DNAAF6: variants seen among roughly 807,000 people sequenced by gnomAD.
DNAAF6 encodes dynein axonemal assembly factor 6, also known as PIH1 domain containing 3.
In DNAAF6, 3 loss-of-function variants were observed where a neutral mutation model predicts 13.7. The ratio of observed to expected loss-of-function variants is 0.22; its 90% CI spans 0.10 to 0.56. The LOEUF (loss-of-function observed/expected upper bound fraction) is 0.56, where lower values mean the gene tolerates loss of function less well. Ranked by LOEUF, DNAAF6 falls within the 20% of genes least tolerant of loss-of-function variation. The pLI is 0.92. For synonymous variants in DNAAF6, 54 were observed against 49.2 expected (o/e 1.10, Z -0.41); for missense variants, 130 against 151.0 (o/e 0.86, Z 0.73).
chrX:107,211,395 G>C (rs950130227), intron 1 of DNAAF6, among the ~76,000 whole-genome samples: 3 of 111,375 alleles, frequency 2.7e-5, no homozygotes, highest in Non-Finnish European at 3.8e-5. Flanking sequence ...ATTTGATATG[G>C]CAAAAATATT....
In DNAAF6 at chrX:107,222,733, AT is replaced by A. The variant is rs762286393; in HGVS notation, c.333-4del. 5.8e-5 allele frequency: 69 copies of A among 1,187,702 alleles called. No individual in the cohort carries two copies. The highest frequency in any genetic ancestry group is 7.1e-5 in the Non-Finnish European group (63 of 886,652). Reference sequence around the variant, plus strand: ...TTCATCTGAGTCCCTATAATCATTGATTTTTTTTCAGGTATGAGATTATATT... The same window carrying A: ...TTCATCTGAGTCCCTATAATCATTGATTTTTTTCAGGTATGAGATTATATT... On this transcript the variant is annotated splice_polypyrimidine_tract_variant and intron_variant, in intron 4 of 6. Transcript: ENST00000372453.
intron 5 of DNAAF6, among the ~76,000 whole-genome samples, chrX:107,231,082 T>C (rs1443607641): frequency 3.6e-5 from 4 of 111,922 alleles, no homozygotes; most frequent in Non-Finnish European, 1.9e-5. Context: ...TATTTCTCAC[T>C]TTAAATTTTT....
intron 5 of DNAAF6, among the ~76,000 whole-genome samples, chrX:107,229,057 T>G (rs747895998): frequency 2.4e-4 from 26 of 107,073 alleles, no homozygotes; most frequent in Admixed American, 1.6e-3. Context: ...TTAAAAACAC[T>G]GATTAGATAA....
intron 4 of DNAAF6, 140 bp from the exon 5 acceptor site, chrX:107,222,605 C>A: frequency 1.5e-6 from 1 of 676,459 alleles, no homozygotes; most frequent in Non-Finnish European, 2.0e-6. Context: ...CTATTATATG[C>A]CTGAAGACCT....
intron 5 of DNAAF6, among the ~76,000 whole-genome samples, chrX:107,228,989 T>TTATA (rs1246210115): frequency 9.2e-6 from 1 of 109,161 alleles, no homozygotes; most frequent in African/African-American, 3.3e-5. Context: ...ATAAGAGGTA[T>TTATA]AGTCCTCAAG....
intron 2 of DNAAF6, among the ~76,000 whole-genome samples, chrX:107,215,605 AT>A (rs1927959906): frequency 8.9e-6 from 1 of 111,936 alleles, no homozygotes; most frequent in African/African-American, 3.2e-5. Context: ...TTAATTTCTG[AT>A]TTATAACTCT....
In DNAAF6 at chrX:107,243,405, T is replaced by C; in HGVS notation, c.*107T>C. 1 of 999,303 alleles carries C rather than the reference T, an allele frequency of 1.0e-6. No individual in the cohort carries two copies. Among genetic ancestry groups the C allele is most frequent in the African/African-American group, 1.9e-5 (1 of 51,770 alleles). The allele number at this position is 999,303 out of a possible 1,213,427, so 82.4% of individuals were successfully genotyped here. Reference sequence around the variant, plus strand: ...TTCTCTTTATTATTCTGACATATTTTTGAAAGGGACAAAATTCAGTTCTAG... The same window carrying C: ...TTCTCTTTATTATTCTGACATATTTCTGAAAGGGACAAAATTCAGTTCTAG... On this transcript the variant is annotated 3_prime_UTR_variant, in exon 7 of 7. Coordinates refer to ENST00000372453, the MANE Select transcript of DNAAF6 (RefSeq NM_173494.2).
intron 5 of DNAAF6, among the ~76,000 whole-genome samples, chrX:107,236,039 C>T (rs745501436): frequency 2.7e-5 from 3 of 111,061 alleles, no homozygotes; most frequent in Admixed American, 9.6e-5. Context: ...GACACTGAGT[C>T]GGGAGAATTG....
At chrX:107,221,932 A>C (rs1431709190) in intron 4 of DNAAF6, among the ~76,000 whole-genome samples, 1 of 108,163 alleles carries the variant, frequency 9.2e-6, no homozygotes, top group Non-Finnish European at 1.9e-5. Context: ...AATAATAATA[A>C]TAATAATAAT....
chrX:107,210,786 G>A (rs1927838222), intron 1 of DNAAF6, among the ~76,000 whole-genome samples: 1 of 111,294 alleles, frequency 9.0e-6, no homozygotes, highest in South Asian at 3.8e-4. Context: ...GCAAAAGGAA[G>A]AATGCACTCC....
chrX:107,211,369 T>C (rs1219723382), intron 1 of DNAAF6, among the ~76,000 whole-genome samples: 3 of 112,278 alleles, frequency 2.7e-5, no homozygotes, highest in Non-Finnish European at 3.8e-5. Flanking sequence ...AATTTGTGTT[T>C]ACAGATTATT....
chrX:107,220,647 A>T (rs780355176), intron 4 of DNAAF6, among the ~76,000 whole-genome samples: 1 of 112,205 alleles, frequency 8.9e-6, no homozygotes, highest in South Asian at 3.8e-4. Context: ...GAAGAATCAC[A>T]AGTGGCCAAG....
intron 5 of DNAAF6, among the ~76,000 whole-genome samples, chrX:107,230,226 C>A (rs1928357567): frequency 8.9e-6 from 1 of 111,754 alleles, no homozygotes; most frequent in African/African-American, 3.3e-5. Context: ...AAAATATATT[C>A]TAAATCCATC....
chrX:107,215,730 C>A (rs1927961740), intron 2 of DNAAF6, among the ~76,000 whole-genome samples: 1 of 111,623 alleles, frequency 9.0e-6, no homozygotes, highest in Non-Finnish European at 1.9e-5. Context: ...TGTCTAAAGT[C>A]TTAGGAGATG....
intron 4 of DNAAF6, among the ~76,000 whole-genome samples, chrX:107,221,475 C>A (rs1928139230): frequency 9.0e-6 from 1 of 111,016 alleles, no homozygotes; most frequent in Non-Finnish European, 1.9e-5. Flanking sequence ...CTCAAGCAAT[C>A]TTCCTGCCTC....
intron 6 of DNAAF6, among the ~76,000 whole-genome samples, chrX:107,242,081 A>T (rs1279766167): frequency 8.9e-6 from 1 of 112,067 alleles, no homozygotes; most frequent in Non-Finnish European, 1.9e-5. Context: ...TGAGATGCCA[A>T]ATATTACAGT....
intron 4 of DNAAF6, among the ~76,000 whole-genome samples, chrX:107,219,772 T>G (rs985768631): frequency 9.2e-6 from 1 of 108,835 alleles, no homozygotes; most frequent in Non-Finnish European, 1.9e-5. Flanking sequence ...TGACAACTTT[T>G]CTAATACTGA....
intron 3 of DNAAF6, 79 bp downstream of exon 3, chrX:107,216,822 T>C (rs1928002023): frequency 1.6e-6 from 1 of 636,014 alleles, no homozygotes; most frequent in Admixed American, 3.8e-5. Flanking sequence ...TAATAAGTAC[T>C]AATACTAGTA....
chrX:107,242,256 G>A (rs955682811), intron 6 of DNAAF6, among the ~76,000 whole-genome samples: 7 of 112,072 alleles, frequency 6.2e-5, no homozygotes, highest in African/African-American at 2.3e-4. Flanking sequence ...TCAGGTTTTT[G>A]CAAAGGAATA....
Sources: allele counts gnomAD v4.1 joint callset (sites outside exome capture counted in the v4.1 genomes callset), GRCh38; gene constraint gnomAD v4.1.1; transcripts MANE v1.5; gene names NCBI Gene and HGNC (gene_info 2026-07-23, HGNC 2026-07-21).